The following TMEM198 variants were observed in gnomAD, a reference collection of about 807,000 sequenced individuals.
TMEM198 encodes the protein transmembrane protein 198.
A neutral mutation model predicts 31.5 loss-of-function variants in TMEM198; 21 were observed. That is an observed-to-expected ratio of 0.67 (90% CI 0.47 to 0.96). TMEM198 has a LOEUF of 0.96. Among genes scored for constraint, TMEM198 ranks in the 40% least tolerant of loss-of-function variants. The pLI, the probability that TMEM198 is intolerant of heterozygous loss-of-function variation, is 0.00. For synonymous variants in TMEM198, 211 were observed against 223.3 expected (o/e 0.95, Z 0.49); for missense variants, 447 against 499.4 (o/e 0.89, Z 1.00).
rs758190483 is a variant in TMEM198, at chr2:219,549,796, A to G, written c.1025A>G (p.Tyr342Cys). ...ATGGCCTCACCCACAGATGCGGACT[A>G]TGAGTATGGGTCCCGGGGACCTCTG... ...SFMASPTDAD[Y>C]EYGSRGPLTA... The change falls in exon 5 of 5, where the codon TAT becomes TGT. Residue 342 changes from tyrosine (Y) to cysteine (C), a missense_variant. By Grantham distance (194) the Tyr-to-Cys change is radical. Coordinates refer to ENST00000373883, the MANE Select transcript of TMEM198 (RefSeq NM_001005209.3). 6.2e-7 allele frequency: 1 copy of G among 1,614,058 alleles called. No homozygotes were observed. Among genetic ancestry groups the G allele is most frequent in the Non-Finnish European group, 8.5e-7 (1 of 1,179,994 alleles).
chr2:219,549,924 T>C lies in TMEM198; in HGVS notation c.*70T>C, dbSNP rs1251389944. 2 of 1,567,998 alleles carry C rather than the reference T, an allele frequency of 1.3e-6. No homozygotes were observed. The highest frequency in any genetic ancestry group is 1.7e-6 in the Non-Finnish European group (2 of 1,149,128). On this transcript the variant is annotated 3_prime_UTR_variant, in exon 5 of 5. Transcript: ENST00000373883. ...TCGAGGAGGCCTGCTAGGCTGCCAC[T>C]CAGCCTCCTGGCTTTGGCTGTCCCT...
intron 3 of TMEM198, 142 bp downstream of exon 3, chr2:219,548,223 T>C (rs1346364920): frequency 6.4e-6 from 5 of 781,120 alleles, no homozygotes; most frequent in Non-Finnish European, 7.8e-6. Flanking sequence ...TCTGGGAGGA[T>C]AGCACCCAGG....
upstream of TMEM198, chr2:219,543,690 G>A (rs1056142781): frequency 2.2e-5 from 11 of 497,006 alleles, no homozygotes; most frequent in South Asian, 6.1e-5. Context: ...CCAGCGGCCC[G>A]AGCCGAATCC....
chr2:219,544,527 C>T (rs1695351245), intron 1 of TMEM198, 150 bp downstream of exon 1: 1 of 642,356 alleles, frequency 1.6e-6, no homozygotes, highest in Non-Finnish European at 2.7e-6. Context: ...CTTTTGTTTC[C>T]CTTTGTCTTT....
rs546032636 is a variant in TMEM198 at position 219,544,932 on chromosome 2, T to G, written c.166+39T>G. The G allele has an allele frequency of 1.3e-4, 204 of 1,600,902 alleles. 3 individuals carry two copies. The South Asian group carries it at 2.1e-3, about 17-fold the overall frequency. The stretch of plus-strand genomic sequence containing the variant: ...CTCATCCCTCACCTGGGCTCCCCAG[T>G]GTTTCCCCGAGTTCTTTTTCTGGGC... On this transcript the variant is annotated intron_variant, in intron 2 of 4. Transcript: ENST00000373883.
chr2:219,549,814 G>A lies in TMEM198; in HGVS notation c.1043G>A (p.Gly348Glu). 6.2e-7 allele frequency: 1 copy of A among 1,614,140 alleles called. No homozygotes were observed. Among genetic ancestry groups the A allele is most frequent in the Non-Finnish European group, 8.5e-7 (1 of 1,180,022 alleles). The change falls in exon 5 of 5, where the codon GGA becomes GAA. Residue 348 changes from glycine (G) to glutamate (E), a missense_variant. Physicochemically the swap from Gly to Glu is moderately conservative, Grantham distance 98. Transcript: ENST00000373883. ...TDADYEYGSR[G>E]PLTACSGPPV... is the part of the protein sequence containing the mutation. ...GCGGACTATGAGTATGGGTCCCGGG[G>A]ACCTCTGACAGCCTGCTCAGGCCCC...
chr2:219,547,981 C>G lies in TMEM198; in HGVS notation c.642C>G (p.Cys214Trp). The G allele has an allele frequency of 1.9e-6, 3 of 1,585,512 alleles. No homozygotes were observed. The highest frequency in any genetic ancestry group is 2.6e-6 in the Non-Finnish European group (3 of 1,170,488). The change falls in exon 3 of 5, where the codon TGC becomes TGG. Residue 214 changes from cysteine to tryptophan, a missense_variant. Transcript: ENST00000373883. ...GGGCTGCTCCTGTGCCCCCACTCTG[C>G]TGGCGAAGCTGGGCCCTGCTGGCAC... Reference protein sequence around the residue: ...RLRAAPVPPLCWRSWALLALW... With the variant: ...RLRAAPVPPLWWRSWALLALW...
At chr2:219,546,388 C>G (rs1365651872) in intron 2 of TMEM198, among the ~76,000 whole-genome samples, 1 of 152,120 alleles carries the variant, frequency 6.6e-6, no homozygotes, top group African/African-American at 2.4e-5. Context: ...CTCATGTAAG[C>G]CTTAGTGACC....
Position 219,547,967 on chromosome 2 carries a change from G to A in TMEM198, c.628G>A (p.Val210Met). 1 of 1,589,154 alleles carries A rather than the reference G, an allele frequency of 6.3e-7. No homozygotes were observed. The highest frequency in any genetic ancestry group is 8.5e-7 in the Non-Finnish European group (1 of 1,172,954). The change falls in exon 3 of 5, where the codon GTG (valine) becomes ATG (methionine). Residue 210 changes from valine (V) to methionine (M), a missense_variant. By Grantham distance (21) the Val-to-Met change is conservative. Transcript: ENST00000373883. Reference sequence around the variant, plus strand: ...GGTGGAGCGACTCCGGGCTGCTCCTGTGCCCCCACTCTGCTGGCGAAGCTG... The same window carrying A: ...GGTGGAGCGACTCCGGGCTGCTCCTATGCCCCCACTCTGCTGGCGAAGCTG... ...YVVERLRAAP[V>M]PPLCWRSWAL... is the part of the protein sequence containing the mutation.
Position 219,547,859 on chromosome 2 carries a change from C to G in TMEM198, c.520C>G (p.Leu174Val), listed in dbSNP as rs1020188846. 5 of 1,588,780 alleles carry G rather than the reference C, an allele frequency of 3.1e-6. No homozygotes were observed. The highest frequency in any genetic ancestry group is 4.3e-6 in the Non-Finnish European group (5 of 1,172,874). Reference sequence around the variant, plus strand: ...GCGCTGGCCCCGCCCACTCACCACCCTGGCCACCGCCGTGACTGGTGCTGC... The same window carrying G: ...GCGCTGGCCCCGCCCACTCACCACCGTGGCCACCGCCGTGACTGGTGCTGC... The part of the protein sequence containing the change: ...TLRWPRPLTT[L>V]ATAVTGAALI... The change falls in exon 3 of 5, where the codon CTG becomes GTG. Residue 174 changes from leucine to valine, a missense_variant. Leu to Val is a conservative substitution (Grantham distance 32). Transcript: ENST00000373883.
Position 219,547,491 on chromosome 2 carries a change from C to A in TMEM198, c.167-15C>A. Reference sequence around the variant, plus strand: ...CCCTCATCTTGGCCCCTCACTAGCCCCTGTTCCCCTCCAGGTTACCGCTGC... The same window carrying A: ...CCCTCATCTTGGCCCCTCACTAGCCACTGTTCCCCTCCAGGTTACCGCTGC... On this transcript the variant is annotated splice_polypyrimidine_tract_variant and intron_variant, in intron 2 of 4. Transcript: ENST00000373883. 1 of 1,416,604 alleles carries A rather than the reference C, an allele frequency of 7.1e-7. No individual in the cohort carries two copies. 87.8% of individuals were successfully genotyped at this position (1,416,604 alleles called of 1,614,324 possible). A position where few individuals can be genotyped will look rare whatever the true frequency, so the allele number is the denominator to read the frequency against.
chr2:219,549,707 T>C lies in TMEM198; in HGVS notation c.946-10T>C, dbSNP rs1180447188. ...CGGTGGGACTCACACCTATGTTTGC[T>C]CCCCCACAGAGCTATATCCAGAGCT... On this transcript the variant is annotated splice_polypyrimidine_tract_variant and intron_variant, in intron 4 of 4. Coordinates refer to ENST00000373883, the MANE Select transcript of TMEM198 (RefSeq NM_001005209.3). 1.2e-6 allele frequency: 2 copies of C among 1,611,890 alleles called. No individual in the cohort carries two copies. Among genetic ancestry groups the C allele is most frequent in the Non-Finnish European group, 1.7e-6 (2 of 1,179,060 alleles).
rs1695516856 is a variant in TMEM198, at chr2:219,549,938, T to C, written c.*84T>C. On this transcript the variant is annotated 3_prime_UTR_variant, in exon 5 of 5. Coordinates refer to ENST00000373883, the MANE Select transcript of TMEM198 (RefSeq NM_001005209.3). ...TAGGCTGCCACTCAGCCTCCTGGCTTTGGCTGTCCCTCTCCCCAGCCTGGA... is the reference window on the plus strand; with the variant it reads ...TAGGCTGCCACTCAGCCTCCTGGCTCTGGCTGTCCCTCTCCCCAGCCTGGA... 1 of 1,549,644 alleles carries C rather than the reference T, an allele frequency of 6.5e-7. No individual in the cohort carries two copies. The highest frequency in any genetic ancestry group is 8.8e-7 in the Non-Finnish European group (1 of 1,139,642).
chr2:219,550,027 C>A lies in TMEM198; in HGVS notation c.*173C>A, dbSNP rs959115858. 1.1e-6 allele frequency: 1 copy of A among 888,374 alleles called. No individual in the cohort carries two copies. Among genetic ancestry groups the A allele is most frequent in the Non-Finnish European group, 1.7e-6 (1 of 604,542 alleles). The allele number at this position is 888,374 out of a possible 1,614,324, so 55.0% of individuals were successfully genotyped here. ...GGCGAGTCTTGGCCTGAGAGGAAAG[C>A]CCCCTCCCAAGCTCCCAAGAGGCTC... On this transcript the variant is annotated 3_prime_UTR_variant, in exon 5 of 5. Transcript: ENST00000373883.
intron 2 of TMEM198, among the ~76,000 whole-genome samples, chr2:219,545,395 G>A (rs1344318070): frequency 2.6e-5 from 4 of 152,046 alleles, no homozygotes; most frequent in African/African-American, 9.7e-5. Context: ...CTGGATGGTG[G>A]TCACACACAT....
At chr2:219,549,579 T>C in intron 4 of TMEM198, 138 bp from the exon 5 acceptor site, 1 of 1,358,536 alleles carries the variant, frequency 7.4e-7, no homozygotes, top group South Asian at 1.4e-5. Context: ...GGATATGGTA[T>C]GTGGTGGGGT....
chr2:219,546,781 T>TTC (rs1553526577), intron 2 of TMEM198, among the ~76,000 whole-genome samples: 3 of 148,670 alleles, frequency 2.0e-5, no homozygotes, highest in Non-Finnish European at 3.0e-5. Flanking sequence ...CAAGTTTCTT[T>TTC]TTTTTTTTTT....
intron 2 of TMEM198, 53 bp from the exon 3 acceptor site, chr2:219,547,453 C>A: frequency 7.3e-7 from 1 of 1,379,210 alleles, no homozygotes; most frequent in South Asian, 2.1e-5. Flanking sequence ...GACCTGCTCC[C>A]TCCAGCCTGG....
chr2:219,550,100 G>A lies in TMEM198; in HGVS notation c.*246G>A, dbSNP rs1175506691. On this transcript the variant is annotated 3_prime_UTR_variant, in exon 5 of 5. Coordinates refer to ENST00000373883, the MANE Select transcript of TMEM198 (RefSeq NM_001005209.3). Reference sequence around the variant, plus strand: ...CCCATTGGGGTGTGCTCAGGGTTGTGAGTGTGTTGCCCGTGTGTCTGTGTG... The same window carrying A: ...CCCATTGGGGTGTGCTCAGGGTTGTAAGTGTGTTGCCCGTGTGTCTGTGTG... 8 of 498,842 alleles carry A rather than the reference G, an allele frequency of 1.6e-5. No homozygotes were observed. The highest frequency in any genetic ancestry group is 2.8e-5 in the Non-Finnish European group (8 of 281,242). 30.9% of individuals were successfully genotyped at this position (498,842 alleles called of 1,614,324 possible).
Sources: gnomAD v4.1 joint callset for allele counts (sites outside exome capture counted in the v4.1 genomes callset) on GRCh38, gnomAD v4.1.1 for gene constraint, MANE v1.5 for transcripts, NCBI Gene and HGNC (gene_info 2026-07-23, HGNC 2026-07-21) for gene names.